MAML2: variants seen among roughly 807,000 people sequenced by gnomAD.
MAML2 encodes the protein mastermind like transcriptional coactivator 2, also known as mastermind-like protein 2.
Under a neutral mutation model 96.1 loss-of-function variants are expected in MAML2, and 22 were observed. The observed-to-expected ratio is 0.23, with a 90% CI of 0.16 to 0.33. The LOEUF is 0.33. MAML2 is among the 10% of genes least tolerant of loss of function. The pLI, the probability that MAML2 is intolerant of heterozygous loss-of-function variation, is 1.00. For missense variants in MAML2, 1,367 were observed against 1,392.4 expected (o/e 0.98, Z 0.29); for synonymous variants, 561 against 521.3 (o/e 1.08, Z -1.04).
In MAML2 at chr11:96,342,108, G is replaced by C. The variant is rs951194052; in HGVS notation, c.-213C>G. Reference sequence around the variant, plus strand: ...GGGGAGAAAGAATAGAAACCAACTGGGGGGAGGATAAGTTGGAAACAAACC... The same window carrying C: ...GGGGAGAAAGAATAGAAACCAACTGCGGGGAGGATAAGTTGGAAACAAACC... On this transcript the variant is annotated 5_prime_UTR_variant, in exon 1 of 5. Coordinates refer to ENST00000524717, the MANE Select transcript of MAML2 (RefSeq NM_032427.4). 4 of 554,374 alleles carry C rather than the reference G, an allele frequency of 7.2e-6. No homozygotes were observed. Among genetic ancestry groups the C allele is most frequent in the East Asian group, 2.9e-5 (1 of 34,696 alleles). 34.3% of individuals were successfully genotyped at this position (554,374 alleles called of 1,614,324 possible). A position where few individuals can be genotyped will look rare whatever the true frequency, so the allele number is the denominator to read the frequency against.
At chr11:96,006,991 T>C (rs1858192092) in intron 2 of MAML2, among the ~76,000 whole-genome samples, 1 of 151,730 alleles carries the variant, frequency 6.6e-6, no homozygotes, top group Admixed American at 6.6e-5. Context: ...AAATTATTTC[T>C]AGATATCAAT....
Position 96,144,440 on chromosome 11 carries a change from G to A in MAML2, c.514-50923C>T, listed in dbSNP as rs143723005. On this transcript the variant is annotated intron_variant, in intron 1 of 4. Transcript: ENST00000524717. ...GCAGGTTGGGACGAATAGAGTAAGT[G>A]GTAGAAGTGGGTTCTGTTCAACCAT... Among the ~76,000 whole-genome samples, 481 of 152,294 alleles carry A rather than the reference G, an allele frequency of 3.2e-3. 2 individuals carry two copies. The highest frequency in any genetic ancestry group is 0.01 in the Middle Eastern group (3 of 294).
At chr11:96,029,107 G>C (rs1396932459) in intron 2 of MAML2, among the ~76,000 whole-genome samples, 1 of 151,102 alleles carries the variant, frequency 6.6e-6, no homozygotes, top group African/African-American at 2.4e-5. Flanking sequence ...TCAACCCAAA[G>C]GTGCCTGTCT....
intron 1 of MAML2, among the ~76,000 whole-genome samples, chr11:96,277,917 C>CTTTTTTT (rs55884794): frequency 7.0e-6 from 1 of 142,402 alleles, no homozygotes. Flanking sequence ...TCTGTGGGAA[C>CTTTTTTT]TTTTTTTTTT....
chr11:96,321,967 T>C (rs1278307318), intron 1 of MAML2, among the ~76,000 whole-genome samples: 1 of 152,206 alleles, frequency 6.6e-6, no homozygotes, highest in Non-Finnish European at 1.5e-5. Context: ...GTTGTTGTTG[T>C]TGTTTTTTTC....
intron 1 of MAML2, among the ~76,000 whole-genome samples, chr11:96,315,099 C>T (rs961866249): frequency 2.0e-5 from 3 of 152,132 alleles, no homozygotes; most frequent in Admixed American, 2.0e-4. Flanking sequence ...GGCTGTTTTC[C>T]TTAGTTCTAA....
intron 2 of MAML2, among the ~76,000 whole-genome samples, chr11:96,030,903 A>T (rs1371309176): frequency 4.6e-5 from 7 of 152,240 alleles, no homozygotes; most frequent in Non-Finnish European, 7.3e-5. Flanking sequence ...GACACTCACT[A>T]CCAATCCTTG....
chr11:96,326,088 T>TC (rs1863772721), intron 1 of MAML2, among the ~76,000 whole-genome samples: 1 of 121,562 alleles, frequency 8.2e-6, no homozygotes, highest in Non-Finnish European at 1.7e-5. Flanking sequence ...ACTCTCTGTC[T>TC]ACCCCGCCCC....
intron 2 of MAML2, among the ~76,000 whole-genome samples, chr11:96,081,962 G>T (rs16923038): frequency 6.6e-6 from 1 of 152,012 alleles, no homozygotes; most frequent in East Asian, 1.9e-4. Context: ...TTTCATTTTC[G>T]TTGATTTCAA....
chr11:96,250,181 A>G (rs972995098), intron 1 of MAML2, among the ~76,000 whole-genome samples: 50 of 152,146 alleles, frequency 3.3e-4, no homozygotes, highest in African/African-American at 1.2e-3. Flanking sequence ...TTATGAGTAT[A>G]CATCCATCTA....
At chr11:96,253,231 A>C (rs1040962487) in intron 1 of MAML2, among the ~76,000 whole-genome samples, 3 of 152,194 alleles carry the variant, frequency 2.0e-5, no homozygotes, top group Non-Finnish European at 4.4e-5. Context: ...TCCAAGGAAA[A>C]CTGACTTTGA....
At chr11:96,266,123 G>A (rs2082705) in intron 1 of MAML2, among the ~76,000 whole-genome samples, 24,070 of 152,012 alleles carry the variant, frequency 0.16, 2,239 homozygotes, top group Admixed American at 0.25. Flanking sequence ...CAGCCTGCCC[G>A]TATGTATGCT....
In MAML2 at chr11:96,146,915, A is replaced by T. The variant is rs143657317; in HGVS notation, c.514-53398T>A. On this transcript the variant is annotated intron_variant, in intron 1 of 4. Coordinates refer to ENST00000524717, the MANE Select transcript of MAML2 (RefSeq NM_032427.4). ...GCTCTGAGAAAAATGGTGCCAGACCAACCTGTTTTGGCACACTCTTTGCTG... is the reference window on the plus strand; with the variant it reads ...GCTCTGAGAAAAATGGTGCCAGACCTACCTGTTTTGGCACACTCTTTGCTG... 1.5e-3 allele frequency among the ~76,000 whole-genome samples: 232 copies of T among 152,230 alleles called. 1 individual carries two copies. Among genetic ancestry groups the T allele is most frequent in the African/African-American group, 5.3e-3 (222 of 41,532 alleles).
intron 2 of MAML2, among the ~76,000 whole-genome samples, chr11:96,080,942 A>G (rs1413316671): frequency 1.3e-5 from 2 of 152,096 alleles, no homozygotes; most frequent in African/African-American, 4.8e-5. Flanking sequence ...TTTGCCAGAG[A>G]CTCGTTTGAG....
chr11:96,124,223 G>C (rs1860400467), intron 1 of MAML2, among the ~76,000 whole-genome samples: 1 of 151,656 alleles, frequency 6.6e-6, no homozygotes, highest in Non-Finnish European at 1.5e-5. Flanking sequence ...CAATGTTCCA[G>C]AAGGCATTTA....
chr11:96,039,376 G>A (rs1344532501), intron 2 of MAML2, among the ~76,000 whole-genome samples: 2 of 145,484 alleles, frequency 1.4e-5, no homozygotes, highest in South Asian at 2.3e-4. Context: ...GGGGGATAAG[G>A]GAGAGGGGAG....
chr11:96,296,419 C>T (rs113791833), intron 1 of MAML2, among the ~76,000 whole-genome samples: 2,498 of 152,126 alleles, frequency 0.016, 26 homozygotes, highest in Non-Finnish European at 0.02. Flanking sequence ...CAGAGGCGAG[C>T]GGATCCGAGG....
chr11:96,326,676 T>C (rs1863789287), intron 1 of MAML2, among the ~76,000 whole-genome samples: 1 of 151,816 alleles, frequency 6.6e-6, no homozygotes, highest in Admixed American at 6.6e-5. Context: ...GATGGGCCCC[T>C]GTAATCCCAG....
intron 2 of MAML2, among the ~76,000 whole-genome samples, chr11:96,015,949 A>G (rs1161391613): frequency 4.6e-5 from 7 of 152,094 alleles, no homozygotes; most frequent in Non-Finnish European, 1.0e-4. Flanking sequence ...AAAGGAAAGA[A>G]TGAAATTTCA....
Sources: gnomAD v4.1 joint callset for allele counts (sites outside exome capture counted in the v4.1 genomes callset) on GRCh38, gnomAD v4.1.1 for gene constraint, MANE v1.5 for transcripts, NCBI Gene and HGNC (gene_info 2026-07-23, HGNC 2026-07-21) for gene names.